Variants in TAC4 observed in about 807,000 individuals in gnomAD.
TAC4 encodes the protein tachykinin-4.
TAC4 carries 17 observed loss-of-function variants against 17.7 expected under a neutral mutation model. That is an observed-to-expected ratio of 0.96 (90% CI 0.66 to 1.44). The LOEUF is 1.44. Among genes scored for constraint, TAC4 ranks in the 40% most tolerant of loss-of-function variants. TAC4 has a pLI of 0.00. For synonymous variants in TAC4, 62 were observed against 52.4 expected (o/e 1.18, Z -0.79); for missense variants, 118 against 125.6 (o/e 0.94, Z 0.29).
intron 1 of TAC4, chr17:49,846,127 T>C (rs893253284): frequency 9.7e-7 from 1 of 1,032,784 alleles, no homozygotes; most frequent in African/African-American, 1.7e-5. Context: ...GACATTGGTT[T>C]CCCATTCACT....
At chr17:49,841,706 G>C (rs2074499575) in intron 2 of TAC4, 122 bp from the exon 3 acceptor site, 2 of 963,706 alleles carry the variant, frequency 2.1e-6, no homozygotes, top group Middle Eastern at 2.3e-4. Context: ...TAGAATTCTA[G>C]TCATCCCCAG....
In TAC4 at chr17:49,839,627, G is replaced by A. The variant is rs1298624962; in HGVS notation, c.292+223C>T. On this transcript the variant is annotated intron_variant, in intron 4 of 4. Coordinates refer to ENST00000436235, the MANE Select transcript of TAC4 (RefSeq NM_001077506.2). ...CAGGGGTGGGGGCAGGGCAGAGTGTGCCTGGGTGTGTCATGGGTGGGGAGG... is the reference window on the plus strand; with the variant it reads ...CAGGGGTGGGGGCAGGGCAGAGTGTACCTGGGTGTGTCATGGGTGGGGAGG... Among the ~76,000 whole-genome samples the A allele has an allele frequency of 2.0e-5, 3 of 152,004 alleles. No homozygotes were observed. In the East Asian group the frequency reaches 5.8e-4, roughly 29 times the overall value.
Position 49,841,547 on chromosome 17 carries a change from C to T in TAC4, c.232+5G>A, listed in dbSNP as rs778970436. The T allele has an allele frequency of 1.9e-6, 3 of 1,583,526 alleles. No homozygotes were observed. Among genetic ancestry groups the T allele is most frequent in the East Asian group, 2.4e-5 (1 of 41,318 alleles). Reference sequence around the variant, plus strand: ...ATGTTGAAGGCAGGTTTGGGCAATACTTACCTTTTTTTCTCCTTGGCTGGA... The same window carrying T: ...ATGTTGAAGGCAGGTTTGGGCAATATTTACCTTTTTTTCTCCTTGGCTGGA... On this transcript the variant is annotated splice_donor_5th_base_variant and intron_variant, in intron 3 of 4. Coordinates refer to ENST00000436235, the MANE Select transcript of TAC4 (RefSeq NM_001077506.2).
chr17:49,838,586 C>A lies in TAC4; in HGVS notation c.*56G>T. On this transcript the variant is annotated 3_prime_UTR_variant, in exon 5 of 5. Transcript: ENST00000436235. ...TGGCCTGCCGGCTTGTCAGCTGTGACATCCAGGTAGGAAGAAGCGGCACCG... is the reference window on the plus strand; with the variant it reads ...TGGCCTGCCGGCTTGTCAGCTGTGAAATCCAGGTAGGAAGAAGCGGCACCG... 6.2e-7 allele frequency: 1 copy of A among 1,610,582 alleles called. No homozygotes were observed.
chr17:49,847,093 A>G, intron 1 of TAC4: 1 of 1,289,818 alleles, frequency 7.8e-7, no homozygotes, highest in Non-Finnish European at 1.0e-6. Flanking sequence ...CTCCATTTCT[A>G]AGCGCCTCCG....
intron 1 of TAC4, chr17:49,846,905 G>C (rs56186849): frequency 0.063 from 77,554 of 1,235,554 alleles, 3,138 homozygotes; most frequent in East Asian, 0.27. Context: ...AAGCCTTGGG[G>C]GGTCACTTCC....
intron 3 of TAC4, 139 bp downstream of exon 3, chr17:49,841,413 G>T: frequency 3.6e-6 from 3 of 824,042 alleles, no homozygotes; most frequent in Non-Finnish European, 5.3e-6. Context: ...AACCACACTG[G>T]CCCCACCTCT....
At chr17:49,842,633 A>G (rs1188744035) in intron 2 of TAC4, among the ~76,000 whole-genome samples, 3 of 152,114 alleles carry the variant, frequency 2.0e-5, no homozygotes, top group Admixed American at 6.5e-5. Flanking sequence ...CTCTATTTTT[A>G]TATGTGTATT....
At chr17:49,847,510 G>C in intron 1 of TAC4, 1 of 348,628 alleles carries the variant, frequency 2.9e-6, no homozygotes, top group South Asian at 2.3e-5. Context: ...GTGCAACCTT[G>C]GACAAACTAC....
At chr17:49,847,678 C>G in intron 1 of TAC4, 1 of 510,294 alleles carries the variant, frequency 2.0e-6, no homozygotes, top group South Asian at 2.1e-5. Flanking sequence ...CTTACACACA[C>G]ACACACACAC....
At chr17:49,844,523 C>T (rs2074522708) in intron 1 of TAC4, among the ~76,000 whole-genome samples, 1 of 151,538 alleles carries the variant, frequency 6.6e-6, no homozygotes, top group South Asian at 2.1e-4. Context: ...TCTGGGAGGC[C>T]GAGATGGGTG....
chr17:49,840,305 C>G (rs1328856760), intron 3 of TAC4, among the ~76,000 whole-genome samples: 4 of 151,976 alleles, frequency 2.6e-5, no homozygotes, highest in Admixed American at 2.6e-4. Flanking sequence ...GTGCAGTGTG[C>G]CAGGAACAGG....
rs893132392 is a variant in TAC4 at position 49,839,861 on chromosome 17, A to G, written c.281T>C (p.Leu94Pro). 2 of 1,611,574 alleles carry G rather than the reference A, an allele frequency of 1.2e-6. No individual in the cohort carries two copies. Among genetic ancestry groups the G allele is most frequent in the Middle Eastern group, 1.7e-4 (1 of 6,058 alleles). ...CGGCTCTTGCCTACCTTCTGTGAACAGGCTTCTCTTGCCCAGGAGGCCCTG... is the reference window on the plus strand; with the variant it reads ...CGGCTCTTGCCTACCTTCTGTGAACGGGCTTCTCTTGCCCAGGAGGCCCTG... ...TFQGLLGKRS[L>P]FTEGREDEAQ... The change falls in exon 4 of 5, where the codon CTG (leucine) becomes CCG (proline). Residue 94 changes from leucine (L) to proline (P), a missense_variant. Coordinates refer to ENST00000436235, the MANE Select transcript of TAC4 (RefSeq NM_001077506.2).
At chr17:49,841,901 CT>C (rs1161302297) in intron 2 of TAC4, among the ~76,000 whole-genome samples, 1,720 of 99,102 alleles carry the variant, frequency 0.017, 12 homozygotes, top group African/African-American at 0.05. Context: ...GAGATTTAAT[CT>C]TTTTTTTTTT....
At chr17:49,847,692 GACACAC>G (rs150685532) in intron 1 of TAC4, 12,573 of 427,070 alleles carry the variant, frequency 0.029, 29 homozygotes, top group East Asian at 0.14. Context: ...CACACACACA[GACACAC>G]ACACACACAC....
In TAC4 at chr17:49,838,645, C is replaced by T. The variant is rs2074474373; in HGVS notation, c.321G>A (p.Glu107=). ...EGREDEAQGS[E] ...GGGAAGTCTGTGGTGGGGGCTTTTA[C>T]TCTGAACCTTGGGCCTCATCCTCTC... The change falls in exon 5 of 5, where the codon GAG becomes GAA. Residue 107 remains glutamate, a synonymous_variant. Transcript: ENST00000436235. 6.2e-7 allele frequency: 1 copy of T among 1,613,620 alleles called. No homozygotes were observed. The highest frequency in any genetic ancestry group is 8.5e-7 in the Non-Finnish European group (1 of 1,179,858).
At chr17:49,840,965 T>C (rs532418549) in intron 3 of TAC4, among the ~76,000 whole-genome samples, 1 of 135,204 alleles carries the variant, frequency 7.4e-6, no homozygotes, top group African/African-American at 2.8e-5. Flanking sequence ...CTGCAACCCC[T>C]GCCTCCTGGG....
chr17:49,842,403 G>T (rs2074505303), intron 2 of TAC4, among the ~76,000 whole-genome samples: 1 of 151,914 alleles, frequency 6.6e-6, no homozygotes, highest in South Asian at 2.1e-4. Flanking sequence ...GGTGGCTGAT[G>T]CCTGTAATCT....
intron 1 of TAC4, chr17:49,845,947 A>G (rs2074535093): frequency 4.5e-6 from 1 of 223,326 alleles, no homozygotes. Flanking sequence ...AAGAACTGGA[A>G]AAGTCTCTTT....
Sources: allele counts gnomAD v4.1 joint callset (sites outside exome capture counted in the v4.1 genomes callset), GRCh38; gene constraint gnomAD v4.1.1; transcripts MANE v1.5; gene names NCBI Gene and HGNC (gene_info 2026-07-23, HGNC 2026-07-21).